C2CD3: variants seen among roughly 807,000 people sequenced by gnomAD.
C2CD3 encodes the protein C2 domain-containing protein 3.
In C2CD3, 148 loss-of-function variants were observed where a neutral mutation model predicts 234.0. The observed-to-expected ratio is 0.63, with a 90% CI of 0.55 to 0.72. C2CD3 has a LOEUF of 0.72. Among genes scored for constraint, C2CD3 ranks in the 30% least tolerant of loss-of-function variants. C2CD3 has a pLI of 0.00. For missense variants in C2CD3, 2,577 were observed against 2,811.5 expected (o/e 0.92, Z 1.89); for synonymous variants, 1,000 against 1,035.4 (o/e 0.97, Z 0.66).
At chr11:74,108,335 A>T (rs952913913) in intron 12 of C2CD3, among the ~76,000 whole-genome samples, 2 of 152,112 alleles carry the variant, frequency 1.3e-5, no homozygotes, top group African/African-American at 4.8e-5. Flanking sequence ...TCTTCTGAAA[A>T]AAATAAAAGA....
chr11:74,153,316 T>A (rs1462285389), intron 3 of C2CD3, among the ~76,000 whole-genome samples: 1 of 152,170 alleles, frequency 6.6e-6, no homozygotes, highest in Non-Finnish European at 1.5e-5. Flanking sequence ...AGAATATCTG[T>A]TCTCTATTCA....
intron 3 of C2CD3, among the ~76,000 whole-genome samples, chr11:74,143,635 C>T (rs1003252348): frequency 6.6e-6 from 1 of 150,912 alleles, no homozygotes; most frequent in Non-Finnish European, 1.5e-5. Context: ...ATTCTCCCAC[C>T]TCAGCTTCCT....
chr11:74,076,651 C>G (rs1955054850), intron 23 of C2CD3, among the ~76,000 whole-genome samples: 1 of 152,202 alleles, frequency 6.6e-6, no homozygotes. Flanking sequence ...CTAATCACTT[C>G]CCAATCTATG....
intron 3 of C2CD3, among the ~76,000 whole-genome samples, chr11:74,149,584 A>C (rs1011215037): frequency 2.6e-5 from 4 of 150,980 alleles, no homozygotes; most frequent in Admixed American, 2.0e-4. Context: ...CAGACACAAT[A>C]GGTGTTTTGT....
In C2CD3 at chr11:74,027,897, G is replaced by A. The variant is rs537830324; in HGVS notation, c.6921+390C>T. Among the ~76,000 whole-genome samples, 19 of 152,254 alleles carry A rather than the reference G, an allele frequency of 1.2e-4. 1 individual carries two copies. In the South Asian group the frequency reaches 2.7e-3, roughly 22 times the overall value. On this transcript the variant is annotated intron_variant, in intron 32 of 32. Coordinates refer to ENST00000334126, the MANE Select transcript of C2CD3 (RefSeq NM_001286577.2). The stretch of plus-strand genomic sequence containing the variant: ...TTTTGTAAATGGCAAATAGTTGTAC[G>A]ACTGATATTATTCTCCTCATCCAGA...
intron 3 of C2CD3, chr11:74,142,050 G>C (rs1294398707): frequency 2.6e-5 from 4 of 152,638 alleles, no homozygotes; most frequent in Non-Finnish European, 5.8e-5. Context: ...CTGCCTCAGA[G>C]GATCATAGTA....
Position 74,042,707 on chromosome 11 carries a change from C to T in C2CD3, c.5496-489G>A, listed in dbSNP as rs1407437859. On this transcript the variant is annotated intron_variant, in intron 28 of 32. Coordinates refer to ENST00000334126, the MANE Select transcript of C2CD3 (RefSeq NM_001286577.2). ...AGTGGAGGCTGCAGTGAGCAGAAATCATGCCACTGCACTCCAGCCTGGGAG... is the reference window on the plus strand; with the variant it reads ...AGTGGAGGCTGCAGTGAGCAGAAATTATGCCACTGCACTCCAGCCTGGGAG... Among the ~76,000 whole-genome samples, 3 of 151,690 alleles carry T rather than the reference C, an allele frequency of 2.0e-5. No homozygotes were observed. The East Asian group carries it at 5.8e-4, about 29-fold the overall frequency.
At chr11:74,053,185 T>C (rs1953775170) in intron 26 of C2CD3, among the ~76,000 whole-genome samples, 1 of 152,348 alleles carries the variant, frequency 6.6e-6, no homozygotes. Context: ...CTAAATTTCC[T>C]TGGGCTTCAG....
rs757130307 is a variant in C2CD3 at position 74,106,428 on chromosome 11, G to T, written c.2028C>A (p.Phe676Leu). 1.2e-6 allele frequency: 2 copies of T among 1,613,746 alleles called. No individual in the cohort carries two copies. The highest frequency in any genetic ancestry group is 1.7e-6 in the Non-Finnish European group (2 of 1,179,662). The change falls in exon 13 of 33, where the codon TTC becomes TTA. Residue 676 changes from phenylalanine (F) to leucine (L), a missense_variant. Phe to Leu is a conservative substitution (Grantham distance 22, BLOSUM62 0). Coordinates refer to ENST00000334126, the MANE Select transcript of C2CD3 (RefSeq NM_001286577.2). Reference sequence around the variant, plus strand: ...CTTGTTGCACTGGAAGCTGATCACTGAAAGAAAGCAGCTCTGATTGAATGA... The same window carrying T: ...CTTGTTGCACTGGAAGCTGATCACTTAAAGAAAGCAGCTCTGATTGAATGA... Reference protein sequence around the residue: ...RAVIQSELLSFSDQLPVQQEN... With the variant: ...RAVIQSELLSLSDQLPVQQEN...
chr11:74,135,546 A>C (rs1418002128), intron 5 of C2CD3, among the ~76,000 whole-genome samples: 1 of 152,218 alleles, frequency 6.6e-6, no homozygotes, highest in Non-Finnish European at 1.5e-5. Flanking sequence ...AGGATATGAT[A>C]GTCAGAGATG....
At position 74,150,517 on chromosome 11, in the gene C2CD3, A is replaced by AC. The variant is rs1477013891; in HGVS notation, c.484-10690_484-10689insG. Among the ~76,000 whole-genome samples the AC allele has an allele frequency of 4.1e-3, 288 of 69,834 alleles. 2 individuals carry two copies. The highest frequency in any genetic ancestry group is 7.3e-3 in the Non-Finnish European group (245 of 33,398). The allele number at this position is 69,834 out of a possible 152,430, so 45.8% of individuals were successfully genotyped here. On this transcript the variant is annotated intron_variant, in intron 3 of 32. Coordinates refer to ENST00000334126, the MANE Select transcript of C2CD3 (RefSeq NM_001286577.2). ...CAAAAAAAAAAAAAAAAAAAAAAAC[A>AC]AAAAAAAAACAAAACAAATTTCTAA...
In C2CD3 at chr11:74,013,540, G is replaced by A. The variant is rs781089059; in HGVS notation, c.6922-15C>T. 142 of 1,323,578 alleles carry A rather than the reference G, an allele frequency of 1.1e-4. No homozygotes were observed. The highest frequency in any genetic ancestry group is 1.3e-4 in the Non-Finnish European group (131 of 1,036,836). 82.0% of individuals were successfully genotyped at this position (1,323,578 alleles called of 1,614,324 possible). On this transcript the variant is annotated splice_polypyrimidine_tract_variant and intron_variant, in intron 32 of 32. Transcript: ENST00000334126. Reference sequence around the variant, plus strand: ...TCGCTCTTGTCCTGGAGAGGAAGAAGTCAGCTAGGTTACCACTGAGGATAT... The same window carrying A: ...TCGCTCTTGTCCTGGAGAGGAAGAAATCAGCTAGGTTACCACTGAGGATAT...
intron 8 of C2CD3, among the ~76,000 whole-genome samples, chr11:74,119,987 C>A (rs11236006): frequency 0.21 from 31,904 of 151,960 alleles, 3,931 homozygotes; most frequent in Admixed American, 0.3. Flanking sequence ...TTAAGTTATC[C>A]TTTGAGTGGC....
intron 3 of C2CD3, among the ~76,000 whole-genome samples, chr11:74,150,520 A>C (rs1263739700): frequency 4.0e-5 from 3 of 75,848 alleles, no homozygotes; most frequent in Non-Finnish European, 5.7e-5. Context: ...AAAAAACAAA[A>C]AAAAAACAAA....
At position 74,098,110 on chromosome 11, in the gene C2CD3, T is replaced by A. The variant is rs992950888; in HGVS notation, c.2878A>T (p.Met960Leu). 6.2e-7 allele frequency: 1 copy of A among 1,614,094 alleles called. No homozygotes were observed. The change falls in exon 16 of 33, where the codon ATG becomes TTG. Residue 960 changes from methionine (M) to leucine (L), a missense_variant. Physicochemically the swap from Met to Leu is conservative, Grantham distance 15. Coordinates refer to ENST00000334126, the MANE Select transcript of C2CD3 (RefSeq NM_001286577.2). Reference protein sequence around the residue: ...FLAMGSSNQIMALQRLKNEEG... With the variant: ...FLAMGSSNQILALQRLKNEEG... ...TCATTCTTTAATCTTTGTAGTGCCA[T>A]TATTTGATTTGAAGAACCCATAGCT...
At chr11:74,121,910 G>A (rs1485091587) in intron 8 of C2CD3, among the ~76,000 whole-genome samples, 1 of 152,114 alleles carries the variant, frequency 6.6e-6, no homozygotes, top group East Asian at 1.9e-4. Flanking sequence ...TCCACTGCAG[G>A]TACTCTCATT....
intron 16 of C2CD3, among the ~76,000 whole-genome samples, chr11:74,096,849 T>G (rs1313583176): frequency 6.6e-6 from 1 of 152,238 alleles, no homozygotes; most frequent in East Asian, 1.9e-4. Context: ...AACAATAATA[T>G]CTAAGAAATA....
chr11:74,078,323 G>T lies in C2CD3; in HGVS notation c.4395C>A (p.Val1465=), dbSNP rs1208927162. 6.2e-7 allele frequency: 1 copy of T among 1,614,046 alleles called. No individual in the cohort carries two copies. The highest frequency in any genetic ancestry group is 2.2e-5 in the East Asian group (1 of 44,900). ...KESVNKKQIM[V]TFKASKRAEV... is the part of the protein sequence containing the mutation. ...CTGCTCTTTTGGATGCCTTGAAAGT[G>T]ACCATAATCTGCTTTTTGTTTACAG... Residue 1465 remains valine (V), a synonymous_variant, in exon 23 of 33, where the codon GTC becomes GTA. Coordinates refer to ENST00000334126, the MANE Select transcript of C2CD3 (RefSeq NM_001286577.2).
Position 74,090,906 on chromosome 11 carries a change from C to CA in C2CD3, c.3547_3548insT (p.Arg1183LeufsTer2). The CA allele has an allele frequency of 6.2e-7, 1 of 1,614,022 alleles. No homozygotes were observed. The highest frequency in any genetic ancestry group is 8.5e-7 in the Non-Finnish European group (1 of 1,179,948). On this transcript the variant is annotated frameshift_variant, in exon 20 of 33. Coordinates refer to ENST00000334126, the MANE Select transcript of C2CD3 (RefSeq NM_001286577.2). LOFTEE classifies it high-confidence loss of function. Reference sequence around the variant, plus strand: ...AACTCCCTCTGCTGTTCTTGGACTACGCCTGTACCTTAGGCCCACATCCAG... The same window carrying CA: ...AACTCCCTCTGCTGTTCTTGGACTACAGCCTGTACCTTAGGCCCACATCCAG...
Sources: gnomAD v4.1 joint callset for allele counts (sites outside exome capture counted in the v4.1 genomes callset) on GRCh38, gnomAD v4.1.1 for gene constraint, MANE v1.5 for transcripts, NCBI Gene and HGNC (gene_info 2026-07-23, HGNC 2026-07-21) for gene names.